PDE3A: variants seen among roughly 807,000 people sequenced by gnomAD.
PDE3A encodes phosphodiesterase 3A, also known as cGMP-inhibited 3',5'-cyclic phosphodiesterase 3A.
PDE3A carries 43 observed loss-of-function variants against 98.3 expected under a neutral mutation model. The observed-to-expected ratio is 0.44, with a 90% CI of 0.34 to 0.56. PDE3A has a LOEUF of 0.56. Among genes scored for constraint, PDE3A ranks in the 20% least tolerant of loss-of-function variants. The pLI, the probability that PDE3A is intolerant of heterozygous loss-of-function variation, is 0.01. For missense variants in PDE3A, 1,427 were observed against 1,440.7 expected, an observed-to-expected ratio of 0.99 and a Z score of 0.15; for synonymous variants, 663 against 567.9, an observed-to-expected ratio of 1.17 and a Z score of -2.38.
chr12:20,450,333 T>C (rs1184608953), intron 1 of PDE3A, among the ~76,000 whole-genome samples: 1 of 152,198 alleles, frequency 6.6e-6, no homozygotes, highest in East Asian at 1.9e-4. Flanking sequence ...GTCACAGATG[T>C]GAATTAGCCC....
At chr12:20,554,865 TCTTG>T (rs1323008956) in intron 1 of PDE3A, among the ~76,000 whole-genome samples, 5 of 152,252 alleles carry the variant, frequency 3.3e-5, no homozygotes, top group East Asian at 1.9e-4. Flanking sequence ...TTTGATGTTT[TCTTG>T]CTTATATTTT....
At chr12:20,626,369 G>A (rs1433267218) in intron 5 of PDE3A, among the ~76,000 whole-genome samples, 1 of 78,160 alleles carries the variant, frequency 1.3e-5, no homozygotes, top group Non-Finnish European at 2.6e-5. Context: ...AGGAAAAATA[G>A]TAGTTTGGCT....
chr12:20,552,370 C>T lies in PDE3A; in HGVS notation c.961-4290C>T. 5 of 1,613,434 alleles carry T rather than the reference C, an allele frequency of 3.1e-6. No homozygotes were observed. The highest frequency in any genetic ancestry group is 3.4e-6 in the Non-Finnish European group (4 of 1,179,774). ...GTTTCTCGTGTGGCGCTACCTTCTG[C>T]GGAGGGACGATGATGAGCCCGGCCC... On this transcript the variant is annotated intron_variant, in intron 1 of 15. Coordinates refer to ENST00000359062, the MANE Select transcript of PDE3A (RefSeq NM_000921.5). This position sits in a 1 kb window ranked among gnomAD's most constrained non-coding sequence, Gnocchi z 5.1.
chr12:20,624,557 C>A (rs1423196440), intron 5 of PDE3A, among the ~76,000 whole-genome samples: 1 of 152,168 alleles, frequency 6.6e-6, no homozygotes, highest in East Asian at 1.9e-4. Flanking sequence ...CCCTTCCATT[C>A]TTGCCATCAA....
At chr12:20,379,941 C>T (rs1289447178) in intron 1 of PDE3A, among the ~76,000 whole-genome samples, 1 of 151,712 alleles carries the variant, frequency 6.6e-6, no homozygotes, top group Non-Finnish European at 1.5e-5. Flanking sequence ...CCACCAAGAT[C>T]ATTGTAGTGT....
intron 1 of PDE3A, among the ~76,000 whole-genome samples, chr12:20,402,944 G>T (rs1236244810): frequency 6.6e-6 from 1 of 152,090 alleles, no homozygotes; most frequent in African/African-American, 2.4e-5. Flanking sequence ...AAAGTCTTGT[G>T]TATGAATGAG....
At chr12:20,426,458 G>C (rs7488780) in intron 1 of PDE3A, among the ~76,000 whole-genome samples, 23,623 of 152,050 alleles carry the variant, frequency 0.16, 2,431 homozygotes, top group Non-Finnish European at 0.22. Flanking sequence ...CATAGTTGAC[G>C]TACTTCACAC....
chr12:20,557,674 G>C (rs1381691638), intron 2 of PDE3A, among the ~76,000 whole-genome samples: 1 of 152,094 alleles, frequency 6.6e-6, no homozygotes, highest in Non-Finnish European at 1.5e-5. Flanking sequence ...CTTAATTCCG[G>C]TCACTAGGAA....
intron 2 of PDE3A, among the ~76,000 whole-genome samples, chr12:20,601,879 C>CTGT (rs1378164581): frequency 6.6e-6 from 1 of 152,066 alleles, no homozygotes; most frequent in African/African-American, 2.4e-5. Flanking sequence ...ATACTGCCAT[C>CTGT]TGTTGTTCAC....
At chr12:20,676,137 A>G (rs1447878532) in intron 15 of PDE3A, among the ~76,000 whole-genome samples, 1 of 150,682 alleles carries the variant, frequency 6.6e-6, no homozygotes, top group Middle Eastern at 3.2e-3. Context: ...GATTCCTTTC[A>G]TTTCCTTATT....
At position 20,571,815 on chromosome 12, in the gene PDE3A, T is replaced by C. The variant is rs1224013913; in HGVS notation, c.1011+15105T>C. 6 of 629,150 alleles carry C rather than the reference T, an allele frequency of 9.5e-6. No individual in the cohort carries two copies. In the East Asian group the frequency reaches 8.2e-4, roughly 86 times the overall value. The allele number at this position is 629,150 out of a possible 1,614,324, so 39.0% of individuals were successfully genotyped here. A position where few individuals can be genotyped will look rare whatever the true frequency, so the allele number is the denominator to read the frequency against. ...ATTTATCATAGAACTTAGAACACTA[T>C]GCAAAATTTCCCACTAGACTAAAGC... On this transcript the variant is annotated intron_variant, in intron 2 of 15. Transcript: ENST00000359062.
intron 1 of PDE3A, among the ~76,000 whole-genome samples, chr12:20,478,826 C>G (rs1293428403): frequency 6.6e-6 from 1 of 152,116 alleles, no homozygotes; most frequent in East Asian, 1.9e-4. Context: ...CACTCTTTGA[C>G]TATAAATCTC....
At chr12:20,380,474 A>C (rs1943644464) in intron 1 of PDE3A, among the ~76,000 whole-genome samples, 1 of 151,850 alleles carries the variant, frequency 6.6e-6, no homozygotes, top group Admixed American at 6.6e-5. Context: ...GACTTGTGAA[A>C]ATCAAAAAAT....
At chr12:20,566,803 T>G (rs917677163) in intron 2 of PDE3A, among the ~76,000 whole-genome samples, 1 of 151,892 alleles carries the variant, frequency 6.6e-6, no homozygotes, top group Non-Finnish European at 1.5e-5. Flanking sequence ...ATTTTTTTTT[T>G]GTTTGTTTGT....
intron 1 of PDE3A, among the ~76,000 whole-genome samples, chr12:20,550,797 A>T (rs1942179345): frequency 6.6e-6 from 1 of 151,952 alleles, no homozygotes; most frequent in Admixed American, 6.6e-5. Flanking sequence ...TGAACATTTC[A>T]CATGTTCTTT....
intron 1 of PDE3A, among the ~76,000 whole-genome samples, chr12:20,427,286 G>T (rs61912867): frequency 1.3e-5 from 2 of 151,988 alleles, no homozygotes; most frequent in African/African-American, 4.8e-5. Context: ...GAAATGTTGC[G>T]TGCTTTTGAA....
intron 2 of PDE3A, among the ~76,000 whole-genome samples, chr12:20,581,555 C>G (rs1298040814): frequency 1.3e-5 from 2 of 151,188 alleles, no homozygotes; most frequent in Non-Finnish European, 2.9e-5. Flanking sequence ...GACGTTACGA[C>G]TTTTTCTTTG....
intron 6 of PDE3A, among the ~76,000 whole-genome samples, chr12:20,632,804 C>A (rs1386390206): frequency 6.6e-6 from 1 of 151,500 alleles, no homozygotes; most frequent in Non-Finnish European, 1.5e-5. Context: ...ACTGATCGAT[C>A]TGAAAAAAAG....
intron 15 of PDE3A, among the ~76,000 whole-genome samples, chr12:20,670,552 A>C (rs1398883598): frequency 2.0e-5 from 3 of 152,162 alleles, no homozygotes; most frequent in Non-Finnish European, 2.9e-5. Flanking sequence ...TCTCACTCAA[A>C]ACTGCTCAAC....
Sources: allele counts gnomAD v4.1 joint callset (sites outside exome capture counted in the v4.1 genomes callset), GRCh38; gene constraint gnomAD v4.1.1; non-coding constraint Gnocchi (gnomAD v3.1); transcripts MANE v1.5; gene names NCBI Gene and HGNC (gene_info 2026-07-23, HGNC 2026-07-21).